RB1CC1: variants seen among roughly 807,000 people sequenced by gnomAD.
RB1CC1 encodes the protein RB1-inducible coiled-coil protein 1.
RB1CC1 carries 46 observed loss-of-function variants against 177.5 expected under a neutral mutation model. The observed-to-expected ratio is 0.26, with a 90% CI of 0.20 to 0.33. The LOEUF (loss-of-function observed/expected upper bound fraction) is 0.33. RB1CC1 is among the 10% of genes least tolerant of loss of function. The probability of loss-of-function intolerance (pLI) is 1.00; values close to 1 mark genes in which losing one functional copy is unlikely to be tolerated. For missense variants in RB1CC1, 1,703 were observed against 1,816.3 expected (o/e 0.94, Z 1.13); for synonymous variants, 666 against 613.6 (o/e 1.09, Z -1.26).
Position 52,656,130 on chromosome 8 carries a change from C to T in RB1CC1, c.3699G>A (p.Lys1233=). 1 of 1,613,584 alleles carries T rather than the reference C, an allele frequency of 6.2e-7. No individual in the cohort carries two copies. Among genetic ancestry groups the T allele is most frequent in the Non-Finnish European group, 8.5e-7 (1 of 1,179,750 alleles). Residue 1233 remains lysine (K), a synonymous_variant, in exon 15 of 24, where the codon AAG becomes AAA. Transcript: ENST00000025008. The stretch of plus-strand genomic sequence containing the variant: ...TAGCTTCATCTTTTTCACAATTAAG[C>T]TTCTGAATTAACTGTTCTCTGTCTT... ...QEQDREQLIQ[K]LNCEKDEAIQ...
chr8:52,708,179 A>G (rs1477661564), intron 1 of RB1CC1, among the ~76,000 whole-genome samples: 1 of 152,202 alleles, frequency 6.6e-6, no homozygotes, highest in Non-Finnish European at 1.5e-5. Flanking sequence ...CCTGCCAGGT[A>G]AAATACCCCC....
intron 16 of RB1CC1, chr8:52,643,280 T>A (rs760401924): frequency 1.3e-5 from 2 of 152,750 alleles, no homozygotes; most frequent in African/African-American, 4.8e-5. Context: ...GCTAGACTTA[T>A]TACTCCCCCA....
rs146902428 is a variant in RB1CC1 at position 52,640,479 on chromosome 8, T to C, written c.4337+1872A>G. 5.6e-3 allele frequency among the ~76,000 whole-genome samples: 848 copies of C among 152,352 alleles called. 8 individuals carry two copies. The highest frequency in any genetic ancestry group is 0.019 in the African/African-American group (799 of 41,582). On this transcript the variant is annotated intron_variant, in intron 18 of 23. Transcript: ENST00000025008. The stretch of plus-strand genomic sequence containing the variant: ...TCACACTGTAAACCATAAATATGTA[T>C]AATTTATGTGTCAATCAAAAAAGCC...
intron 20 of RB1CC1, among the ~76,000 whole-genome samples, chr8:52,632,684 A>C (rs1848853523): frequency 6.6e-6 from 1 of 152,044 alleles, no homozygotes; most frequent in Non-Finnish European, 1.5e-5. Flanking sequence ...TATTCTGTGA[A>C]AAGAAAATAA....
At chr8:52,649,969 T>C (rs899841557) in intron 15 of RB1CC1, among the ~76,000 whole-genome samples, 2 of 152,250 alleles carry the variant, frequency 1.3e-5, no homozygotes, top group Non-Finnish European at 2.9e-5. Context: ...TGTTGGCCAT[T>C]TGTATTTCTT....
In RB1CC1 at chr8:52,627,447, G is replaced by A. The variant is rs148619370; in HGVS notation, c.4636+585C>T. On this transcript the variant is annotated intron_variant, in intron 22 of 23. Coordinates refer to ENST00000025008, the MANE Select transcript of RB1CC1 (RefSeq NM_014781.5). ...ACATCAATCTAAATGGACTTACTTC[G>A]TTTTAGTGTTAAAAATAATTCTACT... Among the ~76,000 whole-genome samples, 114 of 152,276 alleles carry A rather than the reference G, an allele frequency of 7.5e-4. 1 individual carries two copies. The highest frequency in any genetic ancestry group is 2.6e-3 in the African/African-American group (110 of 41,544).
chr8:52,676,440 T>A lies in RB1CC1; in HGVS notation c.501A>T (p.Leu167=). The change falls in exon 6 of 24, where the codon CTA becomes CTT. Residue 167 remains leucine, a synonymous_variant. Transcript: ENST00000025008. ...AATAAATACTTTCAAACTTGAAAAGTAGCTTTTGGTATGAATTTGAACAGT... is the reference window on the plus strand; with the variant it reads ...AATAAATACTTTCAAACTTGAAAAGAAGCTTTTGGTATGAATTTGAACAGT... ...LEDCSNSYQK[L]LFKFESIYSN... 6.2e-7 allele frequency: 1 copy of A among 1,613,292 alleles called. No individual in the cohort carries two copies. Among genetic ancestry groups the A allele is most frequent in the East Asian group, 2.2e-5 (1 of 44,868 alleles).
At chr8:52,691,376 G>A (rs1854843186) in intron 1 of RB1CC1, among the ~76,000 whole-genome samples, 1 of 152,050 alleles carries the variant, frequency 6.6e-6, no homozygotes, top group African/African-American at 2.4e-5. Context: ...CTCACCCTAA[G>A]AAACCATAAT....
At chr8:52,645,906 TACAGAC>T (rs765758802) in intron 15 of RB1CC1, 39 bp from the exon 16 acceptor site, 184 of 1,532,152 alleles carry the variant, frequency 1.2e-4, no homozygotes, top group Non-Finnish European at 4.4e-6. Flanking sequence ...AAAAAAAAAT[TACAGAC>T]ACACAAATAT....
At position 52,714,322 on chromosome 8, in the gene RB1CC1, G is replaced by C. The variant is rs1188706626; in HGVS notation, c.-414C>G. The C allele has an allele frequency of 1.9e-5, 3 of 158,106 alleles. No homozygotes were observed. Among genetic ancestry groups the C allele is most frequent in the Non-Finnish European group, 4.2e-5 (3 of 70,922 alleles). 9.8% of individuals were successfully genotyped at this position (158,106 alleles called of 1,614,324 possible). A position where few individuals can be genotyped will look rare whatever the true frequency, so the allele number is the denominator to read the frequency against. ...CTGGGTCTGGGGCCGGGGGACAGAA[G>C]GCCGCGGCCTGTCAGAGCCGAGGGG... is the stretch of plus-strand genomic sequence containing the variant. On this transcript the variant is annotated 5_prime_UTR_variant, in exon 1 of 24. Transcript: ENST00000025008.
intron 5 of RB1CC1, among the ~76,000 whole-genome samples, chr8:52,682,257 G>A (rs1197958621): frequency 6.6e-6 from 1 of 152,076 alleles, no homozygotes; most frequent in African/African-American, 2.4e-5. Context: ...ACTTGCATGG[G>A]ACCTGTAACC....
chr8:52,670,710 G>A (rs1466782658), intron 7 of RB1CC1, among the ~76,000 whole-genome samples: 1 of 152,164 alleles, frequency 6.6e-6, no homozygotes, highest in Non-Finnish European at 1.5e-5. Flanking sequence ...CTTAAGGCCG[G>A]GTGCAGTGGC....
chr8:52,711,592 A>C (rs1857067481), intron 1 of RB1CC1, among the ~76,000 whole-genome samples: 1 of 152,336 alleles, frequency 6.6e-6, no homozygotes, highest in African/African-American at 2.4e-5. Flanking sequence ...TGCTGAAGCT[A>C]AAAGAGTATG....
chr8:52,667,411 TG>T (rs2150526543), intron 8 of RB1CC1, among the ~76,000 whole-genome samples: 1 of 152,306 alleles, frequency 6.6e-6, no homozygotes, highest in Admixed American at 6.5e-5. Flanking sequence ...TGTCAGAATC[TG>T]ATTATGACAT....
intron 20 of RB1CC1, among the ~76,000 whole-genome samples, chr8:52,631,747 T>G (rs111437690): frequency 8.5e-5 from 13 of 152,272 alleles, no homozygotes; most frequent in African/African-American, 3.1e-4. Flanking sequence ...TGCTCAGTCC[T>G]CTCTTGCTGA....
chr8:52,629,689 A>T (rs931292597), intron 21 of RB1CC1, among the ~76,000 whole-genome samples: 1 of 152,176 alleles, frequency 6.6e-6, no homozygotes, highest in African/African-American at 2.4e-5. Context: ...TGCTACCTGG[A>T]GGCTTCATCT....
At chr8:52,669,997 A>T (rs1269506381) in intron 7 of RB1CC1, among the ~76,000 whole-genome samples, 1 of 152,236 alleles carries the variant, frequency 6.6e-6, no homozygotes, top group African/African-American at 2.4e-5. Context: ...TCTGTTGCCC[A>T]AGATAGAGTG....
Position 52,656,183 on chromosome 8 carries a change from T to G in RB1CC1, c.3646A>C (p.Arg1216=). ...TCCTGGCTGCTGACCAATTTTTGTC[T>G]GTCTTTCTCAAGGTTCTGGATAATA... ...EAIIQNLEKD[R]QKLVSSQEQD... is the part of the protein sequence containing the mutation. The change falls in exon 15 of 24, where the codon AGA becomes CGA. Residue 1216 remains arginine (R), a synonymous_variant. Transcript: ENST00000025008. 6.2e-7 allele frequency: 1 copy of G among 1,613,846 alleles called. No homozygotes were observed. The highest frequency in any genetic ancestry group is 8.5e-7 in the Non-Finnish European group (1 of 1,179,864).
chr8:52,694,714 G>C (rs757277445), intron 1 of RB1CC1, among the ~76,000 whole-genome samples: 2 of 152,060 alleles, frequency 1.3e-5, no homozygotes, highest in African/African-American at 4.8e-5. Context: ...CCATCATATG[G>C]AAGTGACAGC....
Sources: gnomAD v4.1 joint callset for allele counts (sites outside exome capture counted in the v4.1 genomes callset) on GRCh38, gnomAD v4.1.1 for gene constraint, MANE v1.5 for transcripts, NCBI Gene and HGNC (gene_info 2026-07-23, HGNC 2026-07-21) for gene names.